Variants in SLC12A7 observed in about 807,000 individuals in gnomAD.
SLC12A7 encodes K-Cl cotransporter 4.
SLC12A7 carries 100 observed loss-of-function variants against 120.6 expected under a neutral mutation model. The observed-to-expected ratio is 0.83, with a 90% confidence interval of 0.71 to 0.98. The LOEUF is 0.98. Ranked by LOEUF, SLC12A7 falls within the 50% of genes least tolerant of loss-of-function variation. SLC12A7 has a pLI of 0.00. For synonymous variants in SLC12A7, 760 were observed against 678.0 expected, an observed-to-expected ratio of 1.12 and a Z score of -1.88; for missense variants, 1,373 against 1,548.1, an observed-to-expected ratio of 0.89 and a Z score of 1.90.
chr5:1,062,411 C>T (rs941893374), intron 20 of SLC12A7, among the ~76,000 whole-genome samples: 6 of 152,360 alleles, frequency 3.9e-5, no homozygotes, highest in African/African-American at 9.6e-5. Context: ...CCATCGTCCC[C>T]GAAGACACAG....
At chr5:1,118,247 G>A in the SLC12A7 span, among the ~76,000 whole-genome samples, 2 of 152,198 alleles carry the variant, frequency 1.3e-5, no homozygotes, top group Non-Finnish European at 2.9e-5. Context: ...AGCTCTGCGT[G>A]AGTCATTCTT....
At chr5:1,124,110 C>T in the SLC12A7 span, among the ~76,000 whole-genome samples, 1 of 152,286 alleles carries the variant, frequency 6.6e-6, no homozygotes, top group African/African-American at 2.4e-5. Context: ...CTCCATGGAC[C>T]TCGCAATGCA....
At chr5:1,054,698 G>A (rs1358941229) in intron 22 of SLC12A7, among the ~76,000 whole-genome samples, 3 of 152,212 alleles carry the variant, frequency 2.0e-5, no homozygotes, top group Non-Finnish European at 2.9e-5. Context: ...CAGGGTCATG[G>A]AGAGGCCCCA....
intron 3 of SLC12A7, among the ~76,000 whole-genome samples, chr5:1,091,877 G>C (rs1425182676): frequency 6.6e-6 from 1 of 152,354 alleles, no homozygotes; most frequent in East Asian, 1.9e-4. Flanking sequence ...CAGCGTCCAC[G>C]TGCAGCAGTG....
At chr5:1,069,849 C>A (rs1166365543) in intron 17 of SLC12A7, among the ~76,000 whole-genome samples, 5 of 152,134 alleles carry the variant, frequency 3.3e-5, no homozygotes, top group African/African-American at 1.2e-4. Flanking sequence ...AAGTCTCAGA[C>A]CCCGATGTCC....
rs142760877 is a variant in SLC12A7 at position 1,053,407 on chromosome 5, C to A, written c.3102G>T (p.Ala1034=). ...NGVVLNKSQD[A]QLVLLNMPGP... is the part of the protein sequence containing the mutation. ...CTGGCATGTTGAGCAGGACCAGCTG[C>A]GCATCCTGGGACTTGTTGAGGACGA... The change falls in exon 23 of 24, where the codon GCG becomes GCT. Residue 1034 remains alanine (A), a synonymous_variant. Coordinates refer to ENST00000264930, the MANE Select transcript of SLC12A7 (RefSeq NM_006598.3). 1 of 1,614,018 alleles carries A rather than the reference C, an allele frequency of 6.2e-7. No individual in the cohort carries two copies. Among genetic ancestry groups the A allele is most frequent in the Admixed American group, 1.7e-5 (1 of 60,020 alleles).
chr5:1,123,973 C>A, the SLC12A7 span, among the ~76,000 whole-genome samples: 3 of 152,238 alleles, frequency 2.0e-5, no homozygotes, highest in African/African-American at 7.2e-5. Flanking sequence ...CTACTAAATT[C>A]ATCGCTCTCA....
chr5:1,128,719 G>A, the SLC12A7 span, among the ~76,000 whole-genome samples: 7 of 152,196 alleles, frequency 4.6e-5, no homozygotes, highest in African/African-American at 9.6e-5. Flanking sequence ...ATGTGTGCAC[G>A]TGTGTGCATG....
the SLC12A7 span, among the ~76,000 whole-genome samples, chr5:1,141,709 C>T: frequency 6.6e-6 from 1 of 152,184 alleles, no homozygotes; most frequent in Admixed American, 6.5e-5. Context: ...AGCTCAAGTG[C>T]CGATAGCCAC....
intron 23 of SLC12A7, 140 bp from the exon 24 acceptor site, chr5:1,052,591 G>A (rs1735162840): frequency 1.5e-6 from 1 of 689,090 alleles, no homozygotes. Flanking sequence ...AAAGAGAGGT[G>A]GGGATTAGAG....
chr5:1,139,379 G>A, the SLC12A7 span, among the ~76,000 whole-genome samples: 1 of 152,384 alleles, frequency 6.6e-6, no homozygotes, highest in East Asian at 1.9e-4. Context: ...TGCAGCTGGT[G>A]CTCAGCTACA....
chr5:1,126,658 G>A, the SLC12A7 span, among the ~76,000 whole-genome samples: 1 of 152,078 alleles, frequency 6.6e-6, no homozygotes, highest in Non-Finnish European at 1.5e-5. Flanking sequence ...CCTCAAGTGG[G>A]CCCCAGGCTG....
At chr5:1,126,810 T>C in the SLC12A7 span, among the ~76,000 whole-genome samples, 3 of 152,176 alleles carry the variant, frequency 2.0e-5, no homozygotes, top group Non-Finnish European at 2.9e-5. Context: ...GCTGAAACCG[T>C]GCTTAAGGGA....
At chr5:1,137,019 A>G in the SLC12A7 span, among the ~76,000 whole-genome samples, 8 of 151,750 alleles carry the variant, frequency 5.3e-5, no homozygotes, top group African/African-American at 1.7e-4. Flanking sequence ...CAACAGCAGG[A>G]CACACACACG....
intron 23 of SLC12A7, 116 bp from the exon 24 acceptor site, chr5:1,052,567 C>T (rs1476556100): frequency 2.3e-6 from 2 of 856,588 alleles, no homozygotes; most frequent in Non-Finnish European, 3.8e-6. Context: ...TTGAGAAACC[C>T]AGAGCCAAGG....
At chr5:1,059,087 A>G (rs1027313008) in intron 21 of SLC12A7, among the ~76,000 whole-genome samples, 1 of 152,100 alleles carries the variant, frequency 6.6e-6, no homozygotes, top group Non-Finnish European at 1.5e-5. Flanking sequence ...CGCCAGGGCG[A>G]CCCTGCCGGA....
At chr5:1,053,013 G>C (rs1400769860) in intron 23 of SLC12A7, among the ~76,000 whole-genome samples, 1 of 152,230 alleles carries the variant, frequency 6.6e-6, no homozygotes, top group African/African-American at 2.4e-5. Context: ...GGGTGGGGCT[G>C]AGCCCCAGCG....
chr5:1,052,486 T>C (rs1252962267), intron 23 of SLC12A7, 35 bp from the exon 24 acceptor site: 4 of 1,526,824 alleles, frequency 2.6e-6, no homozygotes, highest in Admixed American at 1.7e-5. Context: ...CAGCTGATCT[T>C]ACCTGAGCGT....
the SLC12A7 span, among the ~76,000 whole-genome samples, chr5:1,124,318 C>A: frequency 8.5e-5 from 13 of 152,324 alleles, no homozygotes; most frequent in East Asian, 2.5e-3. Context: ...AAAACAAAAA[C>A]CAAAAAGATT....
Sources: gnomAD v4.1 joint callset for allele counts (sites outside exome capture counted in the v4.1 genomes callset) on GRCh38, gnomAD v4.1.1 for gene constraint, MANE v1.5 for transcripts, NCBI Gene and HGNC (gene_info 2026-07-23, HGNC 2026-07-21) for gene names.